The following TNFRSF19 variants were observed in gnomAD, a reference collection of about 807,000 sequenced individuals.
TNFRSF19 encodes the protein tumor necrosis factor receptor superfamily member 19.
TNFRSF19 carries 27 observed loss-of-function variants against 46.4 expected under a neutral mutation model. The ratio of observed to expected loss-of-function variants is 0.58; its 90% confidence interval spans 0.43 to 0.80. The LOEUF is 0.80. Ranked by LOEUF, TNFRSF19 falls within the 30% of genes least tolerant of loss-of-function variation. The pLI is 0.00. For synonymous variants in TNFRSF19, 204 were observed against 205.0 expected, an observed-to-expected ratio of 1.00 and a Z score of 0.04; for missense variants, 511 against 530.8, an observed-to-expected ratio of 0.96 and a Z score of 0.37.
At chr13:23,656,160 T>C (rs1287554351) in intron 5 of TNFRSF19, among the ~76,000 whole-genome samples, 2 of 152,212 alleles carry the variant, frequency 1.3e-5, no homozygotes, top group Non-Finnish European at 2.9e-5. Flanking sequence ...TGTTCATCTT[T>C]AGATGTCACT....
At chr13:23,578,107 C>T (rs144813583) in intron 1 of TNFRSF19, among the ~76,000 whole-genome samples, 204 of 152,242 alleles carry the variant, frequency 1.3e-3, no homozygotes, top group African/African-American at 2.7e-3. Flanking sequence ...AGGAGATGCC[C>T]TCGGGAGATC....
Position 23,659,870 on chromosome 13 carries a change from A to G in TNFRSF19, c.611-495A>G, listed in dbSNP as rs1884242852. Among the ~76,000 whole-genome samples the G allele has an allele frequency of 6.6e-6, 1 of 152,166 alleles. No homozygotes were observed. Reference sequence around the variant, plus strand: ...CTAGAGAAAAGAAAATGTTACTAAGAGAATCATAAGGGAGACAAAATAGAT... The same window carrying G: ...CTAGAGAAAAGAAAATGTTACTAAGGGAATCATAAGGGAGACAAAATAGAT... On this transcript the variant is annotated intron_variant, in intron 6 of 9. Coordinates refer to ENST00000248484, the MANE Select transcript of TNFRSF19 (RefSeq NM_148957.4). The surrounding 1 kb of genome is among the most constrained non-coding windows in gnomAD (Gnocchi z 4.9).
intron 4 of TNFRSF19, among the ~76,000 whole-genome samples, chr13:23,624,038 T>C (rs1265865618): frequency 6.6e-6 from 1 of 152,220 alleles, no homozygotes; most frequent in Non-Finnish European, 1.5e-5. Context: ...ACTAATGTCA[T>C]GAAGCTTTTC....
intron 5 of TNFRSF19, among the ~76,000 whole-genome samples, chr13:23,654,639 A>C (rs1384270136): frequency 6.6e-6 from 1 of 152,194 alleles, no homozygotes; most frequent in Admixed American, 6.5e-5. Flanking sequence ...CATGAGCTGT[A>C]CTTTGGTTAT....
Position 23,612,490 on chromosome 13 carries a change from A to G in TNFRSF19, c.181-3377A>G, listed in dbSNP as rs148916872. 3.7e-3 allele frequency among the ~76,000 whole-genome samples: 571 copies of G among 152,328 alleles called. 2 individuals carry two copies. The highest frequency in any genetic ancestry group is 5.7e-3 in the Non-Finnish European group (390 of 68,020). Reference sequence around the variant, plus strand: ...AAGCAGTTGCTGTCATGGACACCATACTGTAATTTAATTTCTTGGAATCAC... The same window carrying G: ...AAGCAGTTGCTGTCATGGACACCATGCTGTAATTTAATTTCTTGGAATCAC... On this transcript the variant is annotated intron_variant, in intron 3 of 9. Transcript: ENST00000248484.
At chr13:23,609,813 T>C (rs1880774427) in intron 3 of TNFRSF19, among the ~76,000 whole-genome samples, 1 of 152,228 alleles carries the variant, frequency 6.6e-6, no homozygotes, top group Admixed American at 6.5e-5. Context: ...ATGAGATTCA[T>C]TTCTGCCATT....
intron 4 of TNFRSF19, among the ~76,000 whole-genome samples, chr13:23,626,439 A>G (rs950409401): frequency 2.6e-5 from 4 of 152,110 alleles, no homozygotes; most frequent in Non-Finnish European, 4.4e-5. Context: ...GCCGAAGACC[A>G]CTGACTTTAT....
At chr13:23,661,659 A>C (rs1377961823) in intron 7 of TNFRSF19, among the ~76,000 whole-genome samples, 2 of 152,246 alleles carry the variant, frequency 1.3e-5, no homozygotes, top group African/African-American at 4.8e-5. Context: ...ACTTCCACCA[A>C]CAGTGTGTAA....
chr13:23,639,737 G>A (rs1017306999), intron 5 of TNFRSF19, among the ~76,000 whole-genome samples: 9 of 152,230 alleles, frequency 5.9e-5, no homozygotes, highest in African/African-American at 1.9e-4. Context: ...TGGAGGGAGC[G>A]GGCGACAGTG....
chr13:23,624,027 A>G (rs891869395), intron 4 of TNFRSF19, among the ~76,000 whole-genome samples: 7 of 152,174 alleles, frequency 4.6e-5, no homozygotes, highest in African/African-American at 1.2e-4. Context: ...TCATTGCCAT[A>G]ACTAATGTCA....
At chr13:23,638,723 A>T (rs1409906539) in intron 5 of TNFRSF19, among the ~76,000 whole-genome samples, 1 of 152,096 alleles carries the variant, frequency 6.6e-6, no homozygotes, top group Admixed American at 6.5e-5. Context: ...GGTTTGCTTC[A>T]GGATCCCTCT....
chr13:23,598,759 A>G (rs192639495), intron 3 of TNFRSF19, among the ~76,000 whole-genome samples: 25 of 152,314 alleles, frequency 1.6e-4, no homozygotes, highest in Admixed American at 1.6e-3. Flanking sequence ...CTATACATCC[A>G]TTTGCTTTAT....
intron 2 of TNFRSF19, 53 bp downstream of exon 2, chr13:23,590,305 C>T (rs1879173281): frequency 1.8e-6 from 2 of 1,123,728 alleles, no homozygotes; most frequent in African/African-American, 1.6e-5. Flanking sequence ...AATTCATGTA[C>T]TAATAAGTAG....
At chr13:23,579,172 T>C (rs1315559504) in intron 1 of TNFRSF19, among the ~76,000 whole-genome samples, 1 of 152,248 alleles carries the variant, frequency 6.6e-6, no homozygotes, top group South Asian at 2.1e-4. Context: ...ACTCATCCGC[T>C]TCAGTAGCCG....
At chr13:23,601,669 T>TAC (rs36121874) in intron 3 of TNFRSF19, among the ~76,000 whole-genome samples, 76 of 151,410 alleles carry the variant, frequency 5.0e-4, no homozygotes, top group African/African-American at 1.2e-3. Context: ...TGCTTGTGTG[T>TAC]ACACACACAC....
At chr13:23,658,966 C>T in intron 5 of TNFRSF19, 84 bp from the exon 6 acceptor site, 1 of 1,579,368 alleles carries the variant, frequency 6.3e-7, no homozygotes, top group Non-Finnish European at 8.6e-7. Context: ...GGGAAGGCCA[C>T]TGGTAAGGGT....
intron 7 of TNFRSF19, among the ~76,000 whole-genome samples, chr13:23,666,755 C>T (rs1304358240): frequency 1.3e-5 from 2 of 152,124 alleles, no homozygotes; most frequent in Admixed American, 6.6e-5. Flanking sequence ...GCGAGTTCAG[C>T]GGGGTCAGAG....
At chr13:23,647,837 T>C (rs1254618906) in intron 5 of TNFRSF19, among the ~76,000 whole-genome samples, 1 of 152,310 alleles carries the variant, frequency 6.6e-6, no homozygotes, top group Non-Finnish European at 1.5e-5. Flanking sequence ...TGAAGAGGCT[T>C]CCCTTTCCCC....
chr13:23,581,397 C>T (rs1019988665), intron 1 of TNFRSF19, among the ~76,000 whole-genome samples: 49 of 151,894 alleles, frequency 3.2e-4, no homozygotes, highest in Non-Finnish European at 6.2e-4. Context: ...CCGCCTGCCT[C>T]GACCTCCCAA....
Sources: gnomAD v4.1 joint callset for allele counts (sites outside exome capture counted in the v4.1 genomes callset) on GRCh38, gnomAD v4.1.1 for gene constraint, Gnocchi (gnomAD v3.1) non-coding constraint, MANE v1.5 for transcripts, NCBI Gene and HGNC (gene_info 2026-07-23, HGNC 2026-07-21) for gene names.